C6: variants seen among roughly 807,000 people sequenced by gnomAD.
C6 encodes the protein complement C6.
C6 carries 101 observed loss-of-function variants against 112.9 expected under a neutral mutation model. The ratio of observed to expected loss-of-function variants is 0.89; its 90% CI spans 0.76 to 1.06. C6 has a LOEUF of 1.06. C6 is among the 50% of genes least tolerant of loss of function. C6 has a pLI of 0.00. For synonymous variants in C6, 431 were observed against 384.1 expected (o/e 1.12, Z -1.43); for missense variants, 1,202 against 1,104.6 (o/e 1.09, Z -1.25).
At chr5:41,165,998 T>G (rs1747941837) in intron 9 of C6, among the ~76,000 whole-genome samples, 1 of 152,258 alleles carries the variant, frequency 6.6e-6, no homozygotes, top group South Asian at 2.1e-4. Context: ...AGTGTTCTGC[T>G]CAATAGTAAG....
intron 15 of C6, 82 bp from the exon 16 acceptor site, chr5:41,150,107 TG>T (rs1746242893): frequency 1.1e-6 from 1 of 883,616 alleles, no homozygotes; most frequent in Non-Finnish European, 1.9e-6. Context: ...GAAGAGGCAG[TG>T]GTAAAGGATT....
At chr5:41,208,473 G>T (rs1231790615) in intron 1 of C6, among the ~76,000 whole-genome samples, 2 of 151,920 alleles carry the variant, frequency 1.3e-5, no homozygotes, top group African/African-American at 4.8e-5. Flanking sequence ...TAGACCACCA[G>T]CAAGACTAAT....
intron 9 of C6, among the ~76,000 whole-genome samples, chr5:41,167,559 G>A (rs1414248321): frequency 2.6e-5 from 4 of 152,086 alleles, no homozygotes; most frequent in Non-Finnish European, 5.9e-5. Flanking sequence ...AAGTTTGATA[G>A]AAGCTCATAA....
At chr5:41,236,664 G>T (rs1740327945) in intron 1 of C6, among the ~76,000 whole-genome samples, 1 of 133,330 alleles carries the variant, frequency 7.5e-6, no homozygotes, top group South Asian at 2.7e-4. Context: ...TCAATTAAAA[G>T]AACTAGAAAA....
intron 1 of C6, among the ~76,000 whole-genome samples, chr5:41,230,519 A>G (rs948455470): frequency 2.0e-5 from 3 of 152,124 alleles, no homozygotes; most frequent in Non-Finnish European, 2.9e-5. Context: ...CCAGCCTGGT[A>G]AATTCTAGTC....
chr5:41,159,132 C>G lies in C6; in HGVS notation c.1806G>C (p.Glu602Asp), dbSNP rs1241770197. Reference protein sequence around the residue: ...PAPQRGGKRCEGEKRQEEDCT... With the variant: ...PAPQRGGKRCDGEKRQEEDCT... ...AGTCTTCCTCTTGTCGCTTCTCCCC[C>G]TCACAGCGTTTCCCTCCTCGTTGGG... is the stretch of plus-strand genomic sequence containing the variant. Residue 602 changes from glutamate (E) to aspartate (D), a missense_variant, in exon 12 of 18, where the codon GAG becomes GAC. By Grantham distance (45) the Glu-to-Asp change is conservative. Transcript: ENST00000337836. The G allele has an allele frequency of 1.9e-6, 3 of 1,613,634 alleles. No homozygotes were observed. The highest frequency in any genetic ancestry group is 2.7e-5 in the African/African-American group (2 of 74,860).
intron 9 of C6, among the ~76,000 whole-genome samples, chr5:41,165,860 T>A (rs1747932715): frequency 6.6e-6 from 1 of 152,136 alleles, no homozygotes; most frequent in African/African-American, 2.4e-5. Flanking sequence ...TTGAATATAA[T>A]CTAGCCTGAA....
At chr5:41,166,364 C>A (rs1747973839) in intron 9 of C6, among the ~76,000 whole-genome samples, 1 of 151,806 alleles carries the variant, frequency 6.6e-6, no homozygotes. Context: ...TCATTCTTTT[C>A]CTCTCTATGC....
At chr5:41,222,951 C>A (rs904840276) in intron 1 of C6, among the ~76,000 whole-genome samples, 1 of 152,162 alleles carries the variant, frequency 6.6e-6, no homozygotes, top group Admixed American at 6.6e-5. Flanking sequence ...CAGAAACTTT[C>A]CCTATCCCCT....
intron 9 of C6, among the ~76,000 whole-genome samples, chr5:41,170,373 G>A (rs1301041326): frequency 6.6e-6 from 1 of 151,702 alleles, no homozygotes; most frequent in Non-Finnish European, 1.5e-5. Context: ...GTTTCTCAAT[G>A]TTTGTTTTTG....
intron 1 of C6, among the ~76,000 whole-genome samples, chr5:41,243,630 A>C (rs180735026): frequency 6.6e-6 from 1 of 152,270 alleles, no homozygotes; most frequent in African/African-American, 2.4e-5. Context: ...CAGAGTGTGG[A>C]TATAGCAATA....
intron 1 of C6, among the ~76,000 whole-genome samples, chr5:41,243,395 A>C (rs192259132): frequency 6.6e-6 from 1 of 152,318 alleles, no homozygotes; most frequent in Admixed American, 6.5e-5. Context: ...CATTTCAAAT[A>C]ATTGTTTACT....
At chr5:41,186,397 A>T in intron 5 of C6, 189 bp from the exon 6 acceptor site, 1 of 616,370 alleles carries the variant, frequency 1.6e-6, no homozygotes, top group Non-Finnish European at 2.8e-6. Context: ...GGAAAGCCCA[A>T]ACTCAGCTTC....
chr5:41,253,599 A>G (rs1741498888), intron 1 of C6, among the ~76,000 whole-genome samples: 2 of 152,280 alleles, frequency 1.3e-5, no homozygotes, highest in Non-Finnish European at 2.9e-5. Context: ...CTCTCCCAGG[A>G]ATCACTGCTC....
At chr5:41,196,911 A>G (rs1341361296) in intron 4 of C6, among the ~76,000 whole-genome samples, 1 of 152,090 alleles carries the variant, frequency 6.6e-6, no homozygotes, top group Admixed American at 6.6e-5. Context: ...GTGCAATGAC[A>G]GATATCTCCT....
chr5:41,155,971 G>T (rs1005642434), intron 13 of C6, among the ~76,000 whole-genome samples: 3 of 151,750 alleles, frequency 2.0e-5, no homozygotes, highest in African/African-American at 7.3e-5. Flanking sequence ...GTAACCCATT[G>T]GTCATTATAT....
At chr5:41,168,072 C>A (rs1248928066) in intron 9 of C6, among the ~76,000 whole-genome samples, 2 of 152,098 alleles carry the variant, frequency 1.3e-5, no homozygotes, top group Non-Finnish European at 2.9e-5. Flanking sequence ...ACAATCATAA[C>A]TGAAAAATTA....
intron 1 of C6, among the ~76,000 whole-genome samples, chr5:41,209,024 C>A (rs1751674768): frequency 6.6e-6 from 1 of 152,164 alleles, no homozygotes. Flanking sequence ...TTATCCACCA[C>A]AATCAGGTTG....
rs981924324 is a variant in C6 at position 41,232,557 on chromosome 5, A to G, written c.-21+28637T>C. Among the ~76,000 whole-genome samples the G allele has an allele frequency of 4.6e-5, 7 of 152,262 alleles. 1 individual carries two copies. The highest frequency in any genetic ancestry group is 6.8e-3 in the Middle Eastern group (2 of 294). Reference sequence around the variant, plus strand: ...AATAAGTATCCTGTCAGTCAGAATCAGAAGTCATACGAGGTTGTTTTTTAA... The same window carrying G: ...AATAAGTATCCTGTCAGTCAGAATCGGAAGTCATACGAGGTTGTTTTTTAA... On this transcript the variant is annotated intron_variant, in intron 1 of 17. Coordinates refer to the C6 transcript ENST00000263413.
Sources: allele counts gnomAD v4.1 joint callset (sites outside exome capture counted in the v4.1 genomes callset), GRCh38; gene constraint gnomAD v4.1.1; transcripts MANE v1.5; gene names NCBI Gene and HGNC (gene_info 2026-07-23, HGNC 2026-07-21).